The following DDR2 variants were observed in gnomAD, a reference collection of about 807,000 sequenced individuals.
The protein encoded by DDR2 is discoidin domain-containing receptor 2.
A neutral mutation model predicts 94.9 loss-of-function variants in DDR2; 27 were observed. That is an observed-to-expected ratio of 0.28 (90% CI 0.21 to 0.39). DDR2 has a LOEUF of 0.39. Ranked by LOEUF, DDR2 falls within the 10% of genes least tolerant of loss-of-function variation. The pLI, the probability that DDR2 is intolerant of heterozygous loss-of-function variation, is 1.00. For missense variants in DDR2, 783 were observed against 1,076.0 expected, an observed-to-expected ratio of 0.73 and a Z score of 3.81; for synonymous variants, 382 against 377.2, an observed-to-expected ratio of 1.01 and a Z score of -0.15.
rs760789960 is a variant in DDR2 at position 162,783,842 on chromosome 1, ATT to A, written c.*3598_*3599del. 2 of 152,192 alleles carry A rather than the reference ATT, an allele frequency of 1.3e-5. No homozygotes were observed. The highest frequency in any genetic ancestry group is 2.4e-5 in the African/African-American group (1 of 41,454). 9.4% of individuals were successfully genotyped at this position (152,192 alleles called of 1,614,324 possible). A position where few individuals can be genotyped will look rare whatever the true frequency, so the allele number is the denominator to read the frequency against. On this transcript the variant is annotated 3_prime_UTR_variant, in exon 18 of 18. Coordinates refer to ENST00000367921, the MANE Select transcript of DDR2 (RefSeq NM_006182.4). ...GTGAGCATCAGGTATATTCTGGACC[ATT>A]TCAAGTGCTGGTGAGAAGAAAGGAA...
chr1:162,774,676 A>T (rs1647427930), intron 14 of DDR2, among the ~76,000 whole-genome samples: 1 of 152,214 alleles, frequency 6.6e-6, no homozygotes, highest in South Asian at 2.1e-4. Flanking sequence ...AAACCACAGG[A>T]CATAGGATAT....
chr1:162,775,851 A>G lies in DDR2; in HGVS notation c.2048+8A>G, dbSNP rs1385559217. 5.0e-6 allele frequency: 8 copies of G among 1,613,812 alleles called. No homozygotes were observed. Among genetic ancestry groups the G allele is most frequent in the Non-Finnish European group, 6.8e-6 (8 of 1,179,964 alleles). ...CGATGTACGCACTGTCAGGTAAACA[A>G]GCCAGGTCTTCCTTCTCCTCCCTGT... On this transcript the variant is annotated splice_region_variant and intron_variant, in intron 15 of 17. Coordinates refer to ENST00000367921, the MANE Select transcript of DDR2 (RefSeq NM_006182.4).
intron 12 of DDR2, among the ~76,000 whole-genome samples, chr1:162,770,959 A>G (rs1032615067): frequency 2.0e-5 from 3 of 152,236 alleles, no homozygotes; most frequent in African/African-American, 7.2e-5. Context: ...CAAAATTCCC[A>G]GTGGTGTAGC....
chr1:162,703,054 T>A (rs1304562561), intron 2 of DDR2, among the ~76,000 whole-genome samples: 5 of 152,182 alleles, frequency 3.3e-5, no homozygotes, highest in African/African-American at 1.2e-4. Flanking sequence ...GTTGGGAACA[T>A]GTGTAAAGGA....
chr1:162,713,030 C>T (rs759115351), intron 2 of DDR2, among the ~76,000 whole-genome samples: 18 of 152,262 alleles, frequency 1.2e-4, no homozygotes, highest in Non-Finnish European at 1.9e-4. Flanking sequence ...GGTGAAGTGA[C>T]TTAGGGCCGT....
chr1:162,674,241 C>G (rs1659019403), intron 2 of DDR2, among the ~76,000 whole-genome samples: 3 of 152,316 alleles, frequency 2.0e-5, no homozygotes, highest in South Asian at 4.1e-4. Flanking sequence ...TATGAGCCAT[C>G]AGCAAGGCTT....
intron 3 of DDR2, among the ~76,000 whole-genome samples, chr1:162,749,544 C>T (rs1228774210): frequency 1.3e-5 from 2 of 152,154 alleles, no homozygotes; most frequent in East Asian, 3.9e-4. Context: ...AGTCCAGGAC[C>T]AGATGGATGC....
At chr1:162,760,548 AT>A (rs1663676273) in intron 8 of DDR2, among the ~76,000 whole-genome samples, 1 of 148,250 alleles carries the variant, frequency 6.7e-6, no homozygotes, top group African/African-American at 2.5e-5. Flanking sequence ...ATATATGTAT[AT>A]ACATATACAA....
chr1:162,661,785 T>C (rs569851033), intron 2 of DDR2, among the ~76,000 whole-genome samples: 5 of 152,240 alleles, frequency 3.3e-5, no homozygotes, highest in Middle Eastern at 3.4e-3. Context: ...AGGAGGTGGG[T>C]GTAGGAGAAT....
chr1:162,732,775 C>T (rs1245187932), intron 3 of DDR2, among the ~76,000 whole-genome samples: 1 of 152,242 alleles, frequency 6.6e-6, no homozygotes, highest in African/African-American at 2.4e-5. Flanking sequence ...ATAGGACACT[C>T]ATTGACGGGG....
intron 2 of DDR2, among the ~76,000 whole-genome samples, chr1:162,714,150 A>G (rs1661046454): frequency 6.6e-6 from 1 of 152,156 alleles, no homozygotes; most frequent in Non-Finnish European, 1.5e-5. Flanking sequence ...GTGGCTTTTA[A>G]AAAATGATTT....
chr1:162,766,174 C>T, intron 10 of DDR2, 111 bp downstream of exon 10: 1 of 1,162,320 alleles, frequency 8.6e-7, no homozygotes, highest in Admixed American at 1.7e-5. Flanking sequence ...CACCAGTTGG[C>T]TTTGGATGAA....
intron 7 of DDR2, among the ~76,000 whole-genome samples, chr1:162,757,751 C>A (rs1277267520): frequency 2.0e-5 from 3 of 152,074 alleles, no homozygotes; most frequent in East Asian, 3.8e-4. Context: ...CTATGAGGAA[C>A]ATTTTAAAAC....
intron 3 of DDR2, among the ~76,000 whole-genome samples, chr1:162,723,963 A>G (rs2102041011): frequency 6.6e-6 from 1 of 152,230 alleles, no homozygotes; most frequent in Middle Eastern, 3.4e-3. Flanking sequence ...CCCCAAATTT[A>G]TTTTAGGTTC....
chr1:162,638,552 T>C (rs1656955376), intron 1 of DDR2, among the ~76,000 whole-genome samples: 1 of 152,190 alleles, frequency 6.6e-6, no homozygotes, highest in South Asian at 2.1e-4. Flanking sequence ...GGAAGTAAAA[T>C]GAGTGACTAC....
At chr1:162,752,988 A>T in intron 3 of DDR2, 107 bp from the exon 4 acceptor site, 1 of 985,272 alleles carries the variant, frequency 1.0e-6, no homozygotes, top group South Asian at 1.3e-5. Flanking sequence ...AGGAAGATGT[A>T]AATTCTCTTA....
chr1:162,761,579 C>T (rs1297357531), intron 9 of DDR2, 125 bp downstream of exon 9: 25 of 1,463,494 alleles, frequency 1.7e-5, no homozygotes, highest in South Asian at 3.6e-5. Flanking sequence ...TTCTCATTGA[C>T]GGATACGGTG....
chr1:162,673,628 AGAG>A (rs1658989661), intron 2 of DDR2, among the ~76,000 whole-genome samples: 5 of 151,462 alleles, frequency 3.3e-5, no homozygotes, highest in African/African-American at 1.2e-4. Context: ...AGAGAGAGAG[AGAG>A]AGAGAGAGAG....
At chr1:162,737,322 C>T (rs1662357994) in intron 3 of DDR2, among the ~76,000 whole-genome samples, 1 of 119,852 alleles carries the variant, frequency 8.3e-6, no homozygotes, top group Non-Finnish European at 1.7e-5. Flanking sequence ...CCCGACCCCA[C>T]CACAGTCCCC....
Sources: allele counts gnomAD v4.1 joint callset (sites outside exome capture counted in the v4.1 genomes callset), GRCh38; gene constraint gnomAD v4.1.1; transcripts MANE v1.5; gene names NCBI Gene and HGNC (gene_info 2026-07-23, HGNC 2026-07-21).